Variants in PLXDC2 observed in about 807,000 individuals in gnomAD.
PLXDC2 encodes the protein plexin domain containing 2, also known as plexin domain-containing protein 2.
A neutral mutation model predicts 68.9 loss-of-function variants in PLXDC2; 40 were observed. The ratio of observed to expected loss-of-function variants is 0.58; its 90% CI spans 0.45 to 0.76. The LOEUF is 0.76. Among genes scored for constraint, PLXDC2 ranks in the 30% least tolerant of loss-of-function variants. PLXDC2 has a pLI of 0.00. For synonymous variants in PLXDC2, 243 were observed against 234.2 expected (o/e 1.04, Z -0.34); for missense variants, 644 against 661.9 (o/e 0.97, Z 0.30).
intron 9 of PLXDC2, among the ~76,000 whole-genome samples, chr10:20,197,787 T>C (rs749267259): frequency 6.6e-6 from 1 of 152,132 alleles, no homozygotes; most frequent in Non-Finnish European, 1.5e-5. Flanking sequence ...GCCTCCCAAG[T>C]AGCTGGGATT....
chr10:20,036,256 G>A (rs1381148234), intron 2 of PLXDC2, among the ~76,000 whole-genome samples: 1 of 152,100 alleles, frequency 6.6e-6, no homozygotes, highest in Non-Finnish European at 1.5e-5. Flanking sequence ...AGGCCATAAG[G>A]GTGGGGCCCT....
intron 1 of PLXDC2, among the ~76,000 whole-genome samples, chr10:19,820,527 G>C (rs1018555710): frequency 1.3e-5 from 2 of 151,926 alleles, no homozygotes; most frequent in South Asian, 2.1e-4. Context: ...CCAGCTACTC[G>C]GGAGGCTGAG....
At chr10:20,269,446 A>G (rs1387700556) in intron 13 of PLXDC2, among the ~76,000 whole-genome samples, 1 of 152,180 alleles carries the variant, frequency 6.6e-6, no homozygotes, top group Non-Finnish European at 1.5e-5. Flanking sequence ...CTCATTAAAG[A>G]CATGGTATTT....
At chr10:20,198,835 G>T (rs1017091864) in intron 9 of PLXDC2, among the ~76,000 whole-genome samples, 3 of 152,174 alleles carry the variant, frequency 2.0e-5, no homozygotes, top group East Asian at 3.9e-4. Flanking sequence ...AGCGATTAAT[G>T]ATTTATTCTC....
At chr10:20,161,749 C>T (rs554584331) in intron 6 of PLXDC2, among the ~76,000 whole-genome samples, 8 of 151,952 alleles carry the variant, frequency 5.3e-5, no homozygotes, top group South Asian at 2.1e-4. Context: ...AGGTAGAATG[C>T]GGCTGGGTGC....
chr10:20,011,580 TAAGGAG>T (rs1473420026), intron 2 of PLXDC2, among the ~76,000 whole-genome samples: 1 of 152,170 alleles, frequency 6.6e-6, no homozygotes, highest in African/African-American at 2.4e-5. Flanking sequence ...TTCCTGGCAA[TAAGGAG>T]AGAGCTTCTG....
At chr10:19,934,143 T>C (rs2131391971) in intron 1 of PLXDC2, among the ~76,000 whole-genome samples, 1 of 152,356 alleles carries the variant, frequency 6.6e-6, no homozygotes, top group Admixed American at 6.5e-5. Context: ...ACAATCACTG[T>C]AGTCTGTCGT....
intron 1 of PLXDC2, among the ~76,000 whole-genome samples, chr10:19,839,616 G>A (rs972430229): frequency 3.4e-5 from 5 of 145,594 alleles, no homozygotes; most frequent in Non-Finnish European, 7.5e-5. Flanking sequence ...AAATGATAAT[G>A]CCCACCTCAC....
rs1207396518 is a variant in PLXDC2, at chr10:20,287,373, GA to G, written c.*7555del. The G allele has an allele frequency of 6.6e-6, 1 of 152,102 alleles. No homozygotes were observed. Among genetic ancestry groups the G allele is most frequent in the Non-Finnish European group, 1.5e-5 (1 of 68,038 alleles). 9.4% of individuals were successfully genotyped at this position (152,102 alleles called of 1,614,324 possible). A position where few individuals can be genotyped will look rare whatever the true frequency, so the allele number is the denominator to read the frequency against. On this transcript the variant is annotated 3_prime_UTR_variant, in exon 14 of 14. Transcript: ENST00000377252. ...AAAAAATCAATAAAATAATTTTCCT[GA>G]GGAAAGGTTAAGAGATGGCACTTTC...
intron 4 of PLXDC2, among the ~76,000 whole-genome samples, chr10:20,083,344 G>A (rs1241788884): frequency 6.6e-6 from 1 of 152,036 alleles, no homozygotes; most frequent in African/African-American, 2.4e-5. Context: ...GGGCGAGGTG[G>A]CATGCGCCTG....
chr10:19,947,945 T>A (rs1833930217), intron 1 of PLXDC2, among the ~76,000 whole-genome samples: 2 of 152,104 alleles, frequency 1.3e-5, no homozygotes, highest in Non-Finnish European at 2.9e-5. Flanking sequence ...TTGACATGAG[T>A]CTTGTGAAAT....
At chr10:19,826,507 T>C (rs1242105950) in intron 1 of PLXDC2, among the ~76,000 whole-genome samples, 2 of 152,220 alleles carry the variant, frequency 1.3e-5, no homozygotes, top group Non-Finnish European at 2.9e-5. Context: ...TTTAATACTT[T>C]GAAAACTGTG....
intron 1 of PLXDC2, among the ~76,000 whole-genome samples, chr10:19,865,989 C>T (rs1360734556): frequency 6.6e-6 from 1 of 152,114 alleles, no homozygotes; most frequent in African/African-American, 2.4e-5. Flanking sequence ...CAAATTCACA[C>T]TTTCCCCCCT....
intron 9 of PLXDC2, among the ~76,000 whole-genome samples, chr10:20,207,171 C>G (rs961391164): frequency 6.6e-6 from 1 of 152,102 alleles, no homozygotes. Flanking sequence ...TCAGTCCTTT[C>G]CATTCTAGCC....
chr10:19,854,950 A>C (rs559078986), intron 1 of PLXDC2, among the ~76,000 whole-genome samples: 1 of 152,354 alleles, frequency 6.6e-6, no homozygotes, highest in East Asian at 1.9e-4. Context: ...TTCATTTAAA[A>C]TATTTTTATA....
At chr10:20,178,343 G>T (rs770728304) in intron 9 of PLXDC2, among the ~76,000 whole-genome samples, 4 of 152,056 alleles carry the variant, frequency 2.6e-5, no homozygotes, top group Non-Finnish European at 5.9e-5. Context: ...GGAAATACAG[G>T]ATGAAGACTT....
In PLXDC2 at chr10:20,082,051, AAAAAAAAAAAATC is replaced by A. The variant is rs1366921336; in HGVS notation, c.541+13824_541+13836del. On this transcript the variant is annotated intron_variant, in intron 4 of 13. Transcript: ENST00000377252. ...CAAGAGTGAAACTCCATCTGAAAAAAAAAAAAAAAAATCAAAAAAAAAAAACAGGAGAAGTCTG... is the reference window on the plus strand; with the variant it reads ...CAAGAGTGAAACTCCATCTGAAAAAAAAAAAAAAAAAACAGGAGAAGTCTG... Among the ~76,000 whole-genome samples the A allele has an allele frequency of 1.7e-3, 245 of 142,104 alleles. 29 individuals are homozygous for A. The highest frequency in any genetic ancestry group is 6.0e-3 in the African/African-American group (230 of 38,168). The allele number at this position is 142,104 out of a possible 152,430, so 93.2% of individuals were successfully genotyped here.
At chr10:20,142,489 A>C (rs1195621342) in intron 4 of PLXDC2, among the ~76,000 whole-genome samples, 2 of 152,124 alleles carry the variant, frequency 1.3e-5, no homozygotes, top group African/African-American at 4.8e-5. Context: ...TGTCATGGAT[A>C]ATCCACAAAG....
intron 1 of PLXDC2, among the ~76,000 whole-genome samples, chr10:19,995,552 T>C (rs1266389782): frequency 6.6e-6 from 1 of 152,230 alleles, no homozygotes; most frequent in Non-Finnish European, 1.5e-5. Flanking sequence ...TCCCATTGTT[T>C]GTCCGGTTTA....
Sources: allele counts gnomAD v4.1 joint callset (sites outside exome capture counted in the v4.1 genomes callset), GRCh38; gene constraint gnomAD v4.1.1; transcripts MANE v1.5; gene names NCBI Gene and HGNC (gene_info 2026-07-23, HGNC 2026-07-21).